The following KLF8 variants were observed in gnomAD, a reference collection of about 807,000 sequenced individuals.
KLF8 encodes the protein KLF transcription factor 8, also known as Krueppel-like factor 8.
KLF8 carries 10 observed loss-of-function variants against 18.2 expected under a neutral mutation model. The ratio of observed to expected loss-of-function variants is 0.55; its 90% CI spans 0.34 to 0.93. The LOEUF (loss-of-function observed/expected upper bound fraction) is 0.93, where lower values mean the gene tolerates loss of function less well. KLF8 is among the 40% of genes least tolerant of loss of function. KLF8 has a pLI of 0.02. For missense variants in KLF8, 264 were observed against 277.9 expected, an observed-to-expected ratio of 0.95 and a Z score of 0.36; for synonymous variants, 109 against 97.3, an observed-to-expected ratio of 1.12 and a Z score of -0.71.
chrX:56,059,668 G>A, the KLF8 span, among the ~76,000 whole-genome samples: 1 of 111,366 alleles, frequency 9.0e-6, no homozygotes. Context: ...GGTTGTAGAC[G>A]TGTGGCATTA....
the KLF8 span, among the ~76,000 whole-genome samples, chrX:56,046,226 T>C: frequency 8.9e-6 from 1 of 112,047 alleles, no homozygotes; most frequent in Non-Finnish European, 1.9e-5. Context: ...ATATTGTTGA[T>C]ATGCTGTTCA....
chrX:55,963,906 A>C, the KLF8 span, among the ~76,000 whole-genome samples: 12 of 111,925 alleles, frequency 1.1e-4, no homozygotes, highest in African/African-American at 2.6e-4. Flanking sequence ...TAAAAAAGCC[A>C]AAATTATTCC....
the KLF8 span, among the ~76,000 whole-genome samples, chrX:56,186,634 C>T: frequency 2.7e-5 from 3 of 111,740 alleles, no homozygotes; most frequent in Non-Finnish European, 5.6e-5. Context: ...AAGTAAAGCT[C>T]TCCTCAGCAA....
At chrX:56,042,642 A>C in the KLF8 span, among the ~76,000 whole-genome samples, 20 of 112,108 alleles carry the variant, frequency 1.8e-4, no homozygotes, top group African/African-American at 6.2e-4. Flanking sequence ...TTCTTTGGTC[A>C]GAAACTAGAA....
At chrX:55,989,371 A>C in the KLF8 span, among the ~76,000 whole-genome samples, 2 of 112,290 alleles carry the variant, frequency 1.8e-5, no homozygotes, top group Admixed American at 9.4e-5. Context: ...TTTTGAGATA[A>C]GTCCCATCAA....
At chrX:56,048,388 T>C in the KLF8 span, among the ~76,000 whole-genome samples, 1 of 112,191 alleles carries the variant, frequency 8.9e-6, no homozygotes, top group Non-Finnish European at 1.9e-5. Context: ...TTCTAGGGTT[T>C]TTTTGGTTTT....
At chrX:56,210,086 C>G in the KLF8 span, among the ~76,000 whole-genome samples, 19 of 111,869 alleles carry the variant, frequency 1.7e-4, no homozygotes, top group Non-Finnish European at 7.5e-5. Flanking sequence ...GCACACCACA[C>G]TTACAGTGTT....
At chrX:56,180,577 C>T in the KLF8 span, among the ~76,000 whole-genome samples, 2 of 110,688 alleles carry the variant, frequency 1.8e-5, no homozygotes, top group East Asian at 5.6e-4. Flanking sequence ...TTGATCTTTC[C>T]TGCTTTCTCT....
chrX:55,911,146 CA>C, the KLF8 span, among the ~76,000 whole-genome samples: 2 of 111,772 alleles, frequency 1.8e-5, no homozygotes, highest in Non-Finnish European at 3.8e-5. Context: ...AAATCGTAAG[CA>C]AGAGAAAATA....
At chrX:56,048,187 A>T in the KLF8 span, among the ~76,000 whole-genome samples, 1 of 111,254 alleles carries the variant, frequency 9.0e-6, no homozygotes, top group Non-Finnish European at 1.9e-5. Context: ...AGATGAGTAG[A>T]TTGCAAAAAT....
chrX:56,084,373 C>G, the KLF8 span, among the ~76,000 whole-genome samples: 3 of 110,338 alleles, frequency 2.7e-5, no homozygotes, highest in Non-Finnish European at 5.7e-5. Flanking sequence ...ATAGTGAGAC[C>G]CTGAAAACAA....
the KLF8 span, among the ~76,000 whole-genome samples, chrX:56,176,893 A>G: frequency 1.8e-5 from 2 of 111,870 alleles, no homozygotes; most frequent in Admixed American, 1.9e-4. Context: ...AGTTGATCGA[A>G]TCAGCTACCG....
chrX:56,088,744 A>G, the KLF8 span, among the ~76,000 whole-genome samples: 1 of 111,285 alleles, frequency 9.0e-6, no homozygotes, highest in Non-Finnish European at 1.9e-5. Context: ...CATTGTACAG[A>G]GCCTTTCTCA....
chrX:56,154,698 G>A, the KLF8 span, among the ~76,000 whole-genome samples: 97 of 111,474 alleles, frequency 8.7e-4, no homozygotes, highest in Admixed American at 5.6e-3. Flanking sequence ...ATTTTGCGAT[G>A]TTCTCATCTG....
intron 5 of KLF8, among the ~76,000 whole-genome samples, chrX:56,283,526 G>A (rs1242009346): frequency 1.8e-5 from 2 of 111,167 alleles, no homozygotes; most frequent in Admixed American, 1.9e-4. Context: ...CGCCCTCCAC[G>A]ACGCCCAGCT....
At chrX:55,965,291 T>A in the KLF8 span, among the ~76,000 whole-genome samples, 1 of 112,173 alleles carries the variant, frequency 8.9e-6, no homozygotes, top group Non-Finnish European at 1.9e-5. Context: ...AAACACATGG[T>A]GATGACAATA....
At chrX:55,966,370 G>T in the KLF8 span, among the ~76,000 whole-genome samples, 1 of 112,399 alleles carries the variant, frequency 8.9e-6, no homozygotes, top group Non-Finnish European at 1.9e-5. Context: ...AGCTACATGG[G>T]TGCATGTGTC....
At chrX:56,050,629 G>A in the KLF8 span, among the ~76,000 whole-genome samples, 533 of 112,455 alleles carry the variant, frequency 4.7e-3, 3 homozygotes, top group African/African-American at 0.016. Flanking sequence ...TGTTGTCTAA[G>A]AGGTAGTTTG....
Position 56,233,131 on chromosome X carries a change from C to T in KLF8, c.-204C>T. The T allele has an allele frequency of 2.1e-6, 1 of 466,573 alleles. No homozygotes were observed. The highest frequency in any genetic ancestry group is 3.8e-6 in the Non-Finnish European group (1 of 264,153). 38.5% of individuals were successfully genotyped at this position (466,573 alleles called of 1,213,427 possible). A position where few individuals can be genotyped will look rare whatever the true frequency, so the allele number is the denominator to read the frequency against. ...AGCTGGGTCTGAATCGACTCCCTCC[C>T]CTTTCGACCCCCTCCTCATTTTCCA... is the stretch of plus-strand genomic sequence containing the variant. On this transcript the variant is annotated 5_prime_UTR_variant, in exon 1 of 6. Transcript: ENST00000468660.
Sources: gnomAD v4.1 joint callset for allele counts (sites outside exome capture counted in the v4.1 genomes callset) on GRCh38, gnomAD v4.1.1 for gene constraint, MANE v1.5 for transcripts, NCBI Gene and HGNC (gene_info 2026-07-23, HGNC 2026-07-21) for gene names.